The following ASPH variants were observed in gnomAD, a reference collection of about 807,000 sequenced individuals.
ASPH encodes the protein aspartyl/asparaginyl beta-hydroxylase.
ASPH carries 100 observed loss-of-function variants against 118.4 expected under a neutral mutation model. The ratio of observed to expected loss-of-function variants is 0.84; its 90% CI spans 0.72 to 1.00. The LOEUF is 1.00. ASPH is among the 50% of genes least tolerant of loss of function. ASPH has a pLI of 0.00. For synonymous variants in ASPH, 315 were observed against 325.6 expected (o/e 0.97, Z 0.35); for missense variants, 920 against 919.5 (o/e 1.00, Z -0.01).
chr8:61,711,713 T>G (rs1838102418), intron 1 of ASPH, among the ~76,000 whole-genome samples: 1 of 152,190 alleles, frequency 6.6e-6, no homozygotes, highest in Non-Finnish European at 1.5e-5. Context: ...TGGGTTCTTT[T>G]TTCCCCATAC....
chr8:61,511,832 G>C (rs1198525853), intron 24 of ASPH, among the ~76,000 whole-genome samples: 1 of 152,098 alleles, frequency 6.6e-6, no homozygotes, highest in Non-Finnish European at 1.5e-5. Context: ...TTGAACTCCT[G>C]ACCTCAAGTG....
At chr8:61,672,060 C>T (rs1822831963) in intron 3 of ASPH, among the ~76,000 whole-genome samples, 2 of 152,190 alleles carry the variant, frequency 1.3e-5, no homozygotes, top group Non-Finnish European at 1.5e-5. Context: ...ACTGGAACAT[C>T]GTAATCATTT....
chr8:61,640,387 TCACA>T, intron 10 of ASPH, among the ~76,000 whole-genome samples: 1 of 152,338 alleles, frequency 6.6e-6, no homozygotes, highest in Middle Eastern at 3.4e-3. Context: ...TTGATCTTGC[TCACA>T]GGCATCCTCT....
chr8:61,515,153 A>C (rs961973868), intron 24 of ASPH, among the ~76,000 whole-genome samples: 4 of 152,178 alleles, frequency 2.6e-5, no homozygotes, highest in Non-Finnish European at 5.9e-5. Context: ...GCACTGAGGC[A>C]TGAGGCTGGG....
At chr8:61,651,934 C>T (rs573984022) in intron 4 of ASPH, among the ~76,000 whole-genome samples, 1 of 152,286 alleles carries the variant, frequency 6.6e-6, no homozygotes, top group South Asian at 2.1e-4. Flanking sequence ...ATCATAAATG[C>T]TGTCATGTGA....
At chr8:61,577,122 A>G (rs1835427612) in intron 15 of ASPH, among the ~76,000 whole-genome samples, 1 of 152,054 alleles carries the variant, frequency 6.6e-6, no homozygotes, top group Admixed American at 6.5e-5. Context: ...TGGGAATTGA[A>G]CAATGAGAAC....
intron 20 of ASPH, among the ~76,000 whole-genome samples, chr8:61,548,977 C>G (rs1020673455): frequency 6.6e-6 from 1 of 152,136 alleles, no homozygotes; most frequent in Non-Finnish European, 1.5e-5. Context: ...TCACCATATG[C>G]TCTCCAAGGA....
chr8:61,698,535 G>C (rs1834469914), intron 1 of ASPH, among the ~76,000 whole-genome samples: 1 of 152,128 alleles, frequency 6.6e-6, no homozygotes, highest in Non-Finnish European at 1.5e-5. Context: ...GTTTTTTATG[G>C]ACACTTCATT....
chr8:61,595,305 C>G (rs1842216443), intron 14 of ASPH, among the ~76,000 whole-genome samples: 1 of 152,086 alleles, frequency 6.6e-6, no homozygotes, highest in Non-Finnish European at 1.5e-5. Flanking sequence ...TTTACTTGAG[C>G]AATAGCAGGA....
At position 61,662,023 on chromosome 8, in the gene ASPH, C is replaced by T. The variant is rs553436623; in HGVS notation, c.323-8363G>A. Reference sequence around the variant, plus strand: ...AACTAAAATTCATTCACATACGAAGCCATTAGAAAATGAAACAGAAATTAG... The same window carrying T: ...AACTAAAATTCATTCACATACGAAGTCATTAGAAAATGAAACAGAAATTAG... On this transcript the variant is annotated intron_variant, in intron 3 of 24. Coordinates refer to ENST00000379454, the MANE Select transcript of ASPH (RefSeq NM_004318.4). 5.8e-4 allele frequency: 212 copies of T among 363,148 alleles called. 1 individual carries two copies. Among genetic ancestry groups the T allele is most frequent in the African/African-American group, 4.1e-3 (196 of 48,044 alleles). The allele number at this position is 363,148 out of a possible 1,614,324, so 22.5% of individuals were successfully genotyped here. A position where few individuals can be genotyped will look rare whatever the true frequency, so the allele number is the denominator to read the frequency against.
At chr8:61,597,989 CAA>C (rs1329199469) in intron 14 of ASPH, among the ~76,000 whole-genome samples, 1 of 152,018 alleles carries the variant, frequency 6.6e-6, no homozygotes, top group Non-Finnish European at 1.5e-5. Context: ...AATGAGAAAA[CAA>C]GAGTCAAATG....
chr8:61,599,478 C>CAAAA (rs201476150), intron 14 of ASPH, among the ~76,000 whole-genome samples: 3 of 96,900 alleles, frequency 3.1e-5, no homozygotes, highest in African/African-American at 9.3e-5. Flanking sequence ...TTAAAAAAGT[C>CAAAA]AAAAAAAAAA....
At chr8:61,653,094 T>A (rs745632597) in intron 4 of ASPH, among the ~76,000 whole-genome samples, 1 of 152,210 alleles carries the variant, frequency 6.6e-6, no homozygotes, top group Non-Finnish European at 1.5e-5. Flanking sequence ...TATGAACCCA[T>A]GTGGACACAA....
At chr8:61,570,794 A>G (rs75694575) in intron 16 of ASPH, among the ~76,000 whole-genome samples, 15,037 of 152,186 alleles carry the variant, frequency 0.099, 1,717 homozygotes, top group African/African-American at 0.28. Context: ...ACTCTAACTA[A>G]TTCACCCAAC....
In ASPH at chr8:61,662,712, A is replaced by G. The variant is rs141578364; in HGVS notation, c.323-9052T>C. 51 of 379,606 alleles carry G rather than the reference A, an allele frequency of 1.3e-4. No homozygotes were observed. The East Asian group carries it at 7.4e-3, about 55-fold the overall frequency. The allele number at this position is 379,606 out of a possible 1,614,324, so 23.5% of individuals were successfully genotyped here. A position where few individuals can be genotyped will look rare whatever the true frequency, so the allele number is the denominator to read the frequency against. On this transcript the variant is annotated intron_variant, in intron 3 of 24. Transcript: ENST00000379454. The stretch of plus-strand genomic sequence containing the variant: ...AAAGAAGAGAGATGGGAAAAAATAA[A>G]TCAAGTTCTAGTCTACAAGTGCTTT...
chr8:61,571,889 A>G (rs1027921696), intron 16 of ASPH, among the ~76,000 whole-genome samples: 9 of 152,342 alleles, frequency 5.9e-5, no homozygotes, highest in African/African-American at 2.2e-4. Context: ...TTTGGTAACA[A>G]ACACACTCTC....
chr8:61,695,517 C>A (rs766313356), intron 1 of ASPH, among the ~76,000 whole-genome samples: 46 of 152,296 alleles, frequency 3.0e-4, no homozygotes, highest in Non-Finnish European at 5.0e-4. Context: ...TCACATACAA[C>A]CCCCACACCC....
Position 61,614,179 on chromosome 8 carries a change from G to C in ASPH, c.976+4799C>G, listed in dbSNP as rs140277524. Among the ~76,000 whole-genome samples, 9 of 152,058 alleles carry C rather than the reference G, an allele frequency of 5.9e-5. No individual in the cohort carries two copies. In the East Asian group the frequency reaches 1.7e-3, roughly 29 times the overall value. On this transcript the variant is annotated intron_variant, in intron 14 of 24. Coordinates refer to ENST00000379454, the MANE Select transcript of ASPH (RefSeq NM_004318.4). Reference sequence around the variant, plus strand: ...CCAGGAAATCTTTAAGTGTTTTAAAGACATGTAAATACTGTTTAAACATAT... The same window carrying C: ...CCAGGAAATCTTTAAGTGTTTTAAACACATGTAAATACTGTTTAAACATAT...
At chr8:61,536,886 C>T (rs1819815135) in intron 21 of ASPH, among the ~76,000 whole-genome samples, 1 of 152,154 alleles carries the variant, frequency 6.6e-6, no homozygotes, top group Non-Finnish European at 1.5e-5. Flanking sequence ...AGTCTGGCTA[C>T]TGACTGTGAA....
Sources: allele counts gnomAD v4.1 joint callset (sites outside exome capture counted in the v4.1 genomes callset), GRCh38; gene constraint gnomAD v4.1.1; transcripts MANE v1.5; gene names NCBI Gene and HGNC (gene_info 2026-07-23, HGNC 2026-07-21).